The following CYP2J2 variants were observed in gnomAD, a reference collection of about 807,000 sequenced individuals.
CYP2J2 encodes cytochrome P450 family 2 subfamily J member 2.
Under a neutral mutation model 48.8 loss-of-function variants are expected in CYP2J2, and 41 were observed. The observed-to-expected ratio is 0.84, with a 90% CI of 0.66 to 1.09. The LOEUF (loss-of-function observed/expected upper bound fraction) is 1.09, where lower values mean the gene tolerates loss of function less well. CYP2J2 is among the 50% of genes least tolerant of loss of function. CYP2J2 has a pLI of 0.00. For missense variants in CYP2J2, 644 were observed against 617.3 expected (o/e 1.04, Z -0.46); for synonymous variants, 221 against 227.1 (o/e 0.97, Z 0.24).
the CYP2J2 span, among the ~76,000 whole-genome samples, chr1:59,946,477 G>A: frequency 6.6e-6 from 1 of 152,076 alleles, no homozygotes; most frequent in Non-Finnish European, 1.5e-5. Context: ...CATATGACAT[G>A]CACTGATAGT....
intron 8 of CYP2J2, among the ~76,000 whole-genome samples, chr1:59,894,172 TGACAAAAAAA>T (rs1179340459): frequency 6.6e-6 from 1 of 152,016 alleles, no homozygotes; most frequent in Non-Finnish European, 1.5e-5. Flanking sequence ...TTAACAAACG[TGACAAAAAAA>T]GACAACAAAA....
At chr1:59,956,298 G>C in the CYP2J2 span, among the ~76,000 whole-genome samples, 2 of 152,140 alleles carry the variant, frequency 1.3e-5, no homozygotes, top group African/African-American at 4.8e-5. Flanking sequence ...CAGAGCCATT[G>C]TGTTGGTCAG....
At chr1:59,895,647 ATTTT>A (rs990042950) in intron 8 of CYP2J2, among the ~76,000 whole-genome samples, 3 of 151,664 alleles carry the variant, frequency 2.0e-5, no homozygotes, top group Admixed American at 6.6e-5. Context: ...ATTTATTTTT[ATTTT>A]TATTTATTAT....
At chr1:59,936,547 T>A in the CYP2J2 span, among the ~76,000 whole-genome samples, 1 of 152,182 alleles carries the variant, frequency 6.6e-6, no homozygotes, top group Non-Finnish European at 1.5e-5. Flanking sequence ...GCACCTTGGA[T>A]TTCCTTGGGG....
chr1:59,946,284 G>A, the CYP2J2 span, among the ~76,000 whole-genome samples: 12 of 152,192 alleles, frequency 7.9e-5, no homozygotes, highest in African/African-American at 1.2e-4. Context: ...CCTCTGCTCC[G>A]TTCTTTCCTC....
intron 2 of CYP2J2, 109 bp from the exon 3 acceptor site, chr1:59,912,420 C>A: frequency 8.6e-7 from 1 of 1,158,000 alleles, no homozygotes. Context: ...ATCATTAAGG[C>A]ACTTGAAAAC....
the CYP2J2 span, among the ~76,000 whole-genome samples, chr1:59,958,551 C>T: frequency 6.6e-6 from 1 of 152,040 alleles, no homozygotes; most frequent in African/African-American, 2.4e-5. Flanking sequence ...CATCCCAGTT[C>T]TCCGGAAGCC....
chr1:59,894,258 C>T (rs2102098187), intron 8 of CYP2J2, among the ~76,000 whole-genome samples: 1 of 152,298 alleles, frequency 6.6e-6, no homozygotes, highest in South Asian at 2.1e-4. Context: ...AAATAAATGT[C>T]AGAGCAGAGT....
the CYP2J2 span, among the ~76,000 whole-genome samples, chr1:59,949,702 T>A: frequency 4.9e-4 from 1 of 2,058 alleles, no homozygotes; most frequent in East Asian, 0.12. Flanking sequence ...GACTGGAAGC[T>A]TTTTTTTTTT....
chr1:59,908,089 C>A (rs1644380595), intron 5 of CYP2J2, among the ~76,000 whole-genome samples, 162 bp from the exon 6 acceptor site: 1 of 152,162 alleles, frequency 6.6e-6, no homozygotes, highest in African/African-American at 2.4e-5. Context: ...CTTATTACAG[C>A]AATATCATTA....
At chr1:59,956,699 CT>C in the CYP2J2 span, among the ~76,000 whole-genome samples, 2 of 152,020 alleles carry the variant, frequency 1.3e-5, no homozygotes, top group African/African-American at 2.4e-5. Flanking sequence ...ACCTCATATT[CT>C]TGAAAAGAAA....
chr1:59,951,019 G>A, the CYP2J2 span, among the ~76,000 whole-genome samples: 42 of 152,316 alleles, frequency 2.8e-4, no homozygotes, highest in Admixed American at 2.4e-3. Flanking sequence ...AAATGGAAGG[G>A]AGGGGAGCTA....
intron 1 of CYP2J2, among the ~76,000 whole-genome samples, chr1:59,920,660 G>T (rs560430873): frequency 3.3e-5 from 5 of 152,118 alleles, no homozygotes; most frequent in African/African-American, 1.2e-4. Context: ...GATCTTGTTT[G>T]GTTTTCAATC....
the CYP2J2 span, among the ~76,000 whole-genome samples, chr1:59,955,530 C>T: frequency 3.3e-5 from 5 of 152,104 alleles, no homozygotes; most frequent in South Asian, 2.1e-4. Flanking sequence ...TGCCTGCCCA[C>T]TGATTGCTTT....
the CYP2J2 span, among the ~76,000 whole-genome samples, chr1:59,944,240 T>A: frequency 1.3e-5 from 2 of 152,234 alleles, no homozygotes; most frequent in Non-Finnish European, 2.9e-5. Flanking sequence ...TTATTTATTT[T>A]GAGACAGGGT....
At chr1:59,917,623 T>C (rs1209603780) in intron 1 of CYP2J2, among the ~76,000 whole-genome samples, 2 of 151,740 alleles carry the variant, frequency 1.3e-5, no homozygotes, top group East Asian at 1.9e-4. Flanking sequence ...AGTGAGAGAG[T>C]TGGGGTGGGA....
At chr1:59,902,143 T>A (rs1559072861) in intron 7 of CYP2J2, among the ~76,000 whole-genome samples, 1 of 152,204 alleles carries the variant, frequency 6.6e-6, no homozygotes, top group Non-Finnish European at 1.5e-5. Context: ...CACTTTGTCA[T>A]CAAGCTAACT....
intron 1 of CYP2J2, among the ~76,000 whole-genome samples, chr1:59,926,079 G>A (rs777991457): frequency 6.6e-6 from 1 of 152,112 alleles, no homozygotes; most frequent in African/African-American, 2.4e-5. Flanking sequence ...ATTACTTAGT[G>A]AGAGTGCACT....
the CYP2J2 span, among the ~76,000 whole-genome samples, chr1:59,940,067 T>C: frequency 6.6e-6 from 1 of 152,210 alleles, no homozygotes; most frequent in East Asian, 1.9e-4. Context: ...CTTTGTGCTC[T>C]ACCCCCTGCG....
Sources: gnomAD v4.1 joint callset for allele counts (sites outside exome capture counted in the v4.1 genomes callset) on GRCh38, gnomAD v4.1.1 for gene constraint, MANE v1.5 for transcripts, NCBI Gene and HGNC (gene_info 2026-07-23, HGNC 2026-07-21) for gene names.